The following PDE7A variants were observed in gnomAD, a reference collection of about 807,000 sequenced individuals.
PDE7A encodes high affinity 3',5'-cyclic-AMP phosphodiesterase 7A.
A neutral mutation model predicts 64.3 loss-of-function variants in PDE7A; 39 were observed. The ratio of observed to expected loss-of-function variants is 0.61; its 90% CI spans 0.47 to 0.79. PDE7A has a LOEUF of 0.79. Among genes scored for constraint, PDE7A ranks in the 30% least tolerant of loss-of-function variants. PDE7A has a pLI of 0.00. For synonymous variants in PDE7A, 203 were observed against 206.8 expected (o/e 0.98, Z 0.16); for missense variants, 470 against 582.8 (o/e 0.81, Z 1.99).
rs903071562 is a variant in PDE7A, at chr8:65,812,519, G to C, written c.138+28852C>G. Among the ~76,000 whole-genome samples, 6 of 151,956 alleles carry C rather than the reference G, an allele frequency of 3.9e-5. No individual in the cohort carries two copies. The East Asian group carries it at 1.2e-3, about 29-fold the overall frequency. On this transcript the variant is annotated intron_variant, in intron 1 of 12. Coordinates refer to ENST00000401827, the MANE Select transcript of PDE7A (RefSeq NM_001242318.3). ...AAGTATTATCTTGAAGTAGTAAGGA[G>C]AATATTCTAAGCATGATATAGCACC...
At chr8:65,725,437 A>T (rs1439386078) in intron 9 of PDE7A, 1 of 154,454 alleles carries the variant, frequency 6.5e-6, no homozygotes, top group Non-Finnish European at 1.5e-5. Context: ...CAACTTAATA[A>T]CTGTGTTTTC....
intron 1 of PDE7A, among the ~76,000 whole-genome samples, chr8:65,785,838 T>C (rs1716009788): frequency 2.1e-5 from 1 of 46,666 alleles, no homozygotes; most frequent in Non-Finnish European, 4.0e-5. Flanking sequence ...TTATTATGAT[T>C]TTTTTTTAAT....
intron 3 of PDE7A, among the ~76,000 whole-genome samples, 154 bp downstream of exon 3, chr8:65,779,566 C>T (rs1389559340): frequency 6.6e-6 from 1 of 152,068 alleles, no homozygotes; most frequent in African/African-American, 2.4e-5. Context: ...CTAAGATTAC[C>T]TAGAAATAGT....
At chr8:65,815,315 C>A (rs1810374455) in intron 1 of PDE7A, among the ~76,000 whole-genome samples, 1 of 152,090 alleles carries the variant, frequency 6.6e-6, no homozygotes, top group Middle Eastern at 3.2e-3. Context: ...ATTTAAATAA[C>A]ATTCTAATGC....
chr8:65,727,498 A>G (rs17395920), intron 7 of PDE7A, 197 bp from the exon 8 acceptor site: 28,664 of 587,446 alleles, frequency 0.049, 916 homozygotes, highest in Non-Finnish European at 0.061. Context: ...TGGCAAAGCC[A>G]TGATACAACA....
chr8:65,831,058 C>T (rs1810806496), intron 1 of PDE7A, among the ~76,000 whole-genome samples: 1 of 151,900 alleles, frequency 6.6e-6, no homozygotes, highest in Non-Finnish European at 1.5e-5. Flanking sequence ...AACAACACTA[C>T]CAGAAATTAC....
chr8:65,794,452 A>G (rs1809785495), intron 1 of PDE7A, among the ~76,000 whole-genome samples: 1 of 152,198 alleles, frequency 6.6e-6, no homozygotes, highest in Admixed American at 6.5e-5. Flanking sequence ...TTCACCTATA[A>G]GTAGTATTAT....
At chr8:65,737,289 G>A (rs572049259) in intron 6 of PDE7A, among the ~76,000 whole-genome samples, 5 of 151,966 alleles carry the variant, frequency 3.3e-5, no homozygotes, top group South Asian at 4.2e-4. Context: ...CCACATTAGC[G>A]GCAACAGGAT....
intron 1 of PDE7A, among the ~76,000 whole-genome samples, chr8:65,813,214 CAA>C (rs896054384): frequency 5.3e-5 from 8 of 152,166 alleles, no homozygotes; most frequent in African/African-American, 1.9e-4. Flanking sequence ...GCTTCTGACC[CAA>C]GTTCTACCAC....
chr8:65,798,068 C>T (rs1809885610), intron 1 of PDE7A, among the ~76,000 whole-genome samples: 1 of 149,250 alleles, frequency 6.7e-6, no homozygotes, highest in Admixed American at 6.7e-5. Context: ...TAAAAAGGCA[C>T]AGACTCAGAG....
At chr8:65,757,925 G>C (rs1010907870) in intron 3 of PDE7A, among the ~76,000 whole-genome samples, 4 of 152,118 alleles carry the variant, frequency 2.6e-5, no homozygotes, top group African/African-American at 4.8e-5. Flanking sequence ...CCAACTCCAA[G>C]ACTTTTAATG....
intron 1 of PDE7A, among the ~76,000 whole-genome samples, chr8:65,809,677 A>G (rs1346498249): frequency 2.6e-5 from 4 of 152,240 alleles, no homozygotes; most frequent in Non-Finnish European, 5.9e-5. Context: ...ACCCCATCAC[A>G]AAGTGGGCAA....
At chr8:65,828,020 C>G (rs1204956215) in intron 1 of PDE7A, among the ~76,000 whole-genome samples, 1 of 152,130 alleles carries the variant, frequency 6.6e-6, no homozygotes, top group African/African-American at 2.4e-5. Context: ...TATTAACTAA[C>G]TAGACCTCAG....
chr8:65,805,374 A>G (rs1810086297), intron 1 of PDE7A, among the ~76,000 whole-genome samples: 1 of 152,196 alleles, frequency 6.6e-6, no homozygotes, highest in Non-Finnish European at 1.5e-5. Flanking sequence ...GCAGAAAACA[A>G]TTTTCAAAAG....
intron 3 of PDE7A, among the ~76,000 whole-genome samples, chr8:65,764,147 T>C (rs548205984): frequency 1.6e-4 from 24 of 152,240 alleles, no homozygotes; most frequent in Admixed American, 7.8e-4. Context: ...GGAATTACAA[T>C]AGAAAAGAGA....
At chr8:65,736,884 G>C (rs116037751) in intron 6 of PDE7A, among the ~76,000 whole-genome samples, 4,614 of 123,176 alleles carry the variant, frequency 0.037, 259 homozygotes, top group African/African-American at 0.13. Context: ...TCTTGGTATT[G>C]AGGCTTTTTT....
At chr8:65,763,345 C>A (rs1219216120) in intron 3 of PDE7A, among the ~76,000 whole-genome samples, 2 of 152,130 alleles carry the variant, frequency 1.3e-5, no homozygotes, top group East Asian at 3.9e-4. Flanking sequence ...GCGGGTGGAT[C>A]ACCTGAGGTC....
intron 3 of PDE7A, among the ~76,000 whole-genome samples, chr8:65,777,609 C>T (rs1031162570): frequency 6.6e-6 from 1 of 152,138 alleles, no homozygotes; most frequent in African/African-American, 2.4e-5. Flanking sequence ...AGATTACATG[C>T]TAGCCTTACG....
At position 65,715,905 on chromosome 8, in the gene PDE7A, G is replaced by A. The variant is rs1262696368; in HGVS notation, c.*3385C>T. On this transcript the variant is annotated 3_prime_UTR_variant, in exon 13 of 13. Transcript: ENST00000401827. ...TGGGAGACTGAGGCAGGAGAATGAG[G>A]AGAATGGCGTGAACCCGGGAGGCGG... is the stretch of plus-strand genomic sequence containing the variant. Among the ~76,000 whole-genome samples the A allele has an allele frequency of 6.8e-6, 1 of 146,446 alleles. No homozygotes were observed. The highest frequency in any genetic ancestry group is 1.5e-5 in the Non-Finnish European group (1 of 67,192).
Sources: gnomAD v4.1 joint callset for allele counts (sites outside exome capture counted in the v4.1 genomes callset) on GRCh38, gnomAD v4.1.1 for gene constraint, MANE v1.5 for transcripts, NCBI Gene and HGNC (gene_info 2026-07-23, HGNC 2026-07-21) for gene names.